The following HIVEP1 variants were observed in gnomAD, a reference collection of about 807,000 sequenced individuals.
HIVEP1 encodes the protein HIVEP zinc finger 1.
Under a neutral mutation model 180.0 loss-of-function variants are expected in HIVEP1, and 36 were observed. That is an observed-to-expected ratio of 0.20 (90% CI 0.15 to 0.26). HIVEP1 has a LOEUF of 0.26. HIVEP1 is among the 10% of genes least tolerant of loss of function. HIVEP1 has a pLI of 1.00. For missense variants in HIVEP1, 3,143 were observed against 3,268.7 expected (o/e 0.96, Z 0.94); for synonymous variants, 1,239 against 1,239.0 (o/e 1.00, Z 0.00).
intron 2 of HIVEP1, among the ~76,000 whole-genome samples, chr6:12,066,862 G>GAC (rs903757111): frequency 9.1e-6 from 1 of 109,318 alleles, no homozygotes; most frequent in East Asian, 2.3e-4. Flanking sequence ...TTCAAACAAA[G>GAC]ACACTGTGTG....
downstream of HIVEP1, among the ~76,000 whole-genome samples, chr6:12,167,513 A>G (rs1468774325): frequency 8.5e-6 from 1 of 117,356 alleles, no homozygotes; most frequent in Non-Finnish European, 1.8e-5. Context: ...AATATTCAAA[A>G]TATGTATTTT....
intron 7 of HIVEP1, among the ~76,000 whole-genome samples, chr6:12,158,114 T>C (rs1420066881): frequency 6.6e-6 from 1 of 152,232 alleles, no homozygotes; most frequent in African/African-American, 2.4e-5. Flanking sequence ...GTTCTGATTA[T>C]TGCTTTGTCT....
chr6:12,084,377 C>T (rs753464102), intron 2 of HIVEP1, among the ~76,000 whole-genome samples: 10 of 152,048 alleles, frequency 6.6e-5, no homozygotes, highest in African/African-American at 9.7e-5. Flanking sequence ...ACAGGTAAGT[C>T]CAGCGGTATT....
In HIVEP1 at chr6:12,029,425, A is replaced by G. The variant is rs1054681649; in HGVS notation, c.40+13757A>G. Among the ~76,000 whole-genome samples, 15 of 152,166 alleles carry G rather than the reference A, an allele frequency of 9.9e-5. 1 individual carries two copies. Among genetic ancestry groups the G allele is most frequent in the African/African-American group, 3.4e-4 (14 of 41,430 alleles). ...TTTGGGTGGGTGTTTATTCCATCAC[A>G]TTGATGTAATTTATTATTATTACTG... On this transcript the variant is annotated intron_variant, in intron 2 of 8. Transcript: ENST00000379388.
intron 7 of HIVEP1, among the ~76,000 whole-genome samples, chr6:12,137,763 C>T (rs1177046898): frequency 6.6e-6 from 1 of 152,070 alleles, no homozygotes; most frequent in African/African-American, 2.4e-5. Context: ...TTATTATAGG[C>T]TTGCAGTGTA....
At chr6:12,169,502 A>G (rs1268724920), downstream of HIVEP1, among the ~76,000 whole-genome samples, 2 of 152,224 alleles carry the variant, frequency 1.3e-5, no homozygotes, top group African/African-American at 4.8e-5. Context: ...AAAAGAAATT[A>G]GAAGGTACAG....
chr6:12,207,591 A>G, the HIVEP1 span, among the ~76,000 whole-genome samples: 1,466 of 152,196 alleles, frequency 9.6e-3, 11 homozygotes, highest in Non-Finnish European at 0.013. Context: ...AGAAGGTCTG[A>G]TACCTTCTAC....
At chr6:12,151,377 G>A (rs1998528) in intron 7 of HIVEP1, among the ~76,000 whole-genome samples, 40,430 of 151,924 alleles carry the variant, frequency 0.27, 6,203 homozygotes, top group Non-Finnish European at 0.35. Flanking sequence ...GTCTCTGATG[G>A]CTGCAAAGGG....
chr6:12,152,070 C>T (rs982403054), intron 7 of HIVEP1, among the ~76,000 whole-genome samples: 11 of 152,072 alleles, frequency 7.2e-5, no homozygotes, highest in Non-Finnish European at 1.3e-4. Flanking sequence ...GCAGGAGAAT[C>T]GCTTGAACCT....
At chr6:12,070,208 G>A (rs1158327663) in intron 2 of HIVEP1, among the ~76,000 whole-genome samples, 3 of 152,126 alleles carry the variant, frequency 2.0e-5, no homozygotes, top group Non-Finnish European at 2.9e-5. Flanking sequence ...ATAAAGTATA[G>A]TAAATACATA....
chr6:12,019,091 T>A (rs1768020367), intron 2 of HIVEP1, among the ~76,000 whole-genome samples: 1 of 152,244 alleles, frequency 6.6e-6, no homozygotes, highest in South Asian at 2.1e-4. Flanking sequence ...AAGATTGGAA[T>A]AGATTAGCTC....
intron 2 of HIVEP1, among the ~76,000 whole-genome samples, chr6:12,088,379 C>T (rs1773237209): frequency 6.6e-6 from 1 of 152,158 alleles, no homozygotes; most frequent in East Asian, 1.9e-4. Flanking sequence ...TAATAAGTAC[C>T]TAGACCAGTG....
chr6:12,158,342 A>T (rs922899037), intron 7 of HIVEP1, among the ~76,000 whole-genome samples: 2 of 152,174 alleles, frequency 1.3e-5, no homozygotes, highest in East Asian at 3.9e-4. Context: ...TCCTCACTGC[A>T]GGAAAGGCTT....
In HIVEP1 at chr6:12,124,525, C is replaced by G. The variant is rs761139492; in HGVS notation, c.4730C>G (p.Pro1577Arg). The change falls in exon 4 of 9, where the codon CCT becomes CGT. Residue 1577 changes from proline (P) to arginine (R), a missense_variant. By Grantham distance (103) the Pro-to-Arg change is moderately radical. This residue lies in a region of HIVEP1 where 1,357 missense variants were observed against 1,260.5 expected (regional missense o/e 1.08). Coordinates refer to ENST00000379388, the MANE Select transcript of HIVEP1 (RefSeq NM_002114.4). ...TCAGGCCCATCTTGCTCTTCTAATC[C>G]TGTGCATTCTTTGCCAAATCAAGTT... ...FTSGPSCSSN[P>R]VHSLPNQVIS... The G allele has an allele frequency of 1.3e-5, 21 of 1,614,008 alleles. No individual in the cohort carries two copies. Among genetic ancestry groups the G allele is most frequent in the African/African-American group, 2.7e-5 (2 of 74,916 alleles).
intron 2 of HIVEP1, among the ~76,000 whole-genome samples, chr6:12,041,545 A>G (rs1186577885): frequency 6.7e-6 from 1 of 149,352 alleles, no homozygotes. Context: ...AATTTGGTGT[A>G]GACATCCTTC....
chr6:12,094,338 TTCTTA>T (rs1316235411), intron 3 of HIVEP1, among the ~76,000 whole-genome samples: 4 of 152,134 alleles, frequency 2.6e-5, no homozygotes, highest in African/African-American at 9.6e-5. Flanking sequence ...TTATTTATTT[TTCTTA>T]TCTTGCTCAG....
chr6:12,031,564 C>T (rs1261498238), intron 2 of HIVEP1, among the ~76,000 whole-genome samples: 3 of 152,192 alleles, frequency 2.0e-5, no homozygotes, highest in African/African-American at 7.2e-5. Flanking sequence ...TGAACCTGGC[C>T]TGGCAAAAGC....
chr6:12,157,328 T>C (rs1429834939), intron 7 of HIVEP1, among the ~76,000 whole-genome samples: 2 of 152,218 alleles, frequency 1.3e-5, no homozygotes, highest in African/African-American at 2.4e-5. Flanking sequence ...ATTTGTGTAA[T>C]TGGATTAAAA....
At chr6:12,014,167 C>T (rs1287251568) in intron 1 of HIVEP1, among the ~76,000 whole-genome samples, 4 of 152,166 alleles carry the variant, frequency 2.6e-5, no homozygotes, top group African/African-American at 4.8e-5. Flanking sequence ...GGTTAAGTAA[C>T]CTGAACAAGG....
Sources: allele counts gnomAD v4.1 joint callset (sites outside exome capture counted in the v4.1 genomes callset), GRCh38; gene constraint gnomAD v4.1.1; regional missense constraint gnomAD v4.1.1; transcripts MANE v1.5; gene names NCBI Gene and HGNC (gene_info 2026-07-23, HGNC 2026-07-21).